The following ATP2A1 variants were observed in gnomAD, a reference collection of about 807,000 sequenced individuals.
The protein encoded by ATP2A1 is ATPase sarcoplasmic/endoplasmic reticulum Ca2+ transporting 1.
In ATP2A1, 83 loss-of-function variants were observed where a neutral mutation model predicts 109.5. The observed-to-expected ratio is 0.76, with a 90% CI of 0.63 to 0.91. The LOEUF (loss-of-function observed/expected upper bound fraction) is 0.91. Ranked by LOEUF, ATP2A1 falls within the 40% of genes least tolerant of loss-of-function variation. The pLI, the probability that ATP2A1 is intolerant of heterozygous loss-of-function variation, is 0.00. For missense variants in ATP2A1, 1,101 were observed against 1,341.0 expected (o/e 0.82, Z 2.80); for synonymous variants, 505 against 537.6 (o/e 0.94, Z 0.84).
At chr16:28,901,010 G>T in intron 15 of ATP2A1, 94 bp downstream of exon 15, 7 of 1,502,070 alleles carry the variant, frequency 4.7e-6, no homozygotes, top group Non-Finnish European at 6.4e-6. Flanking sequence ...GAGGGCCCTG[G>T]TAAGATGCAA....
intron 12 of ATP2A1, among the ~76,000 whole-genome samples, chr16:28,897,385 C>T (rs903992209): frequency 1.3e-5 from 2 of 152,018 alleles, no homozygotes; most frequent in Non-Finnish European, 2.9e-5. Flanking sequence ...GTCCCAGCTA[C>T]TCAGCTGGCT....
chr16:28,902,596 C>T lies in ATP2A1; in HGVS notation c.2541C>T (p.Ala847=), dbSNP rs1195218246. The T allele has an allele frequency of 1.2e-6, 2 of 1,614,116 alleles. No individual in the cohort carries two copies. The highest frequency in any genetic ancestry group is 2.2e-5 in the South Asian group (2 of 91,080). The stretch of plus-strand genomic sequence containing the variant: ...CCACCACAGGCTATGTGGGTGCAGC[C>T]ACCGTGGGAGCAGCTGCCTGGTGGT... ...YMAIGGYVGA[A]TVGAAAWWFL... The change falls in exon 18 of 23, where the codon GCC becomes GCT. Residue 847 remains alanine (A), a synonymous_variant. Transcript: ENST00000395503. The surrounding 1 kb of genome is among the most constrained non-coding windows in gnomAD (Gnocchi z 4.8).
rs185595481 is a variant in ATP2A1, at chr16:28,902,105, C to T, written c.2321+22C>T. ...TCTGGTGAGCAGCTGGGTGGGCGTCCAGGAGGAAGCCGGGGTTAGGGTGGG... is the reference window on the plus strand; with the variant it reads ...TCTGGTGAGCAGCTGGGTGGGCGTCTAGGAGGAAGCCGGGGTTAGGGTGGG... On this transcript the variant is annotated intron_variant, in intron 16 of 22. Coordinates refer to ENST00000395503, the MANE Select transcript of ATP2A1 (RefSeq NM_004320.6). This position sits in a 1 kb window ranked among gnomAD's most constrained non-coding sequence, Gnocchi z 4.8. The T allele has an allele frequency of 4.7e-5, 76 of 1,614,108 alleles. No homozygotes were observed. The highest frequency in any genetic ancestry group is 2.3e-4 in the South Asian group (21 of 91,076).
At chr16:28,887,861 C>G (rs1458281066) in intron 8 of ATP2A1, 139 bp downstream of exon 8, 1 of 1,149,878 alleles carries the variant, frequency 8.7e-7, no homozygotes, top group Non-Finnish European at 1.2e-6. Context: ...AGTGCAGTGG[C>G]GTGATCTCGG....
chr16:28,882,303 A>G, intron 4 of ATP2A1, 148 bp from the exon 5 acceptor site: 1 of 1,208,422 alleles, frequency 8.3e-7, no homozygotes, highest in Middle Eastern at 2.7e-4. Context: ...AAACCCTCTC[A>G]CCTGTTTTCA....
rs1041659326 is a variant in ATP2A1, at chr16:28,880,097, C to G, written c.219+514C>G. On this transcript the variant is annotated intron_variant, in intron 3 of 22. Transcript: ENST00000395503. The surrounding 1 kb of genome is among the most constrained non-coding windows in gnomAD (Gnocchi z 4.2). ...GACTCCAAGGAGCCCGGCGCCCGGTCAGGGAGGGCACTGGCATCCCTCATT... is the reference window on the plus strand; with the variant it reads ...GACTCCAAGGAGCCCGGCGCCCGGTGAGGGAGGGCACTGGCATCCCTCATT... 1 of 997,106 alleles carries G rather than the reference C, an allele frequency of 1.0e-6. No individual in the cohort carries two copies. Among genetic ancestry groups the G allele is most frequent in the African/African-American group, 1.7e-5 (1 of 57,302 alleles). The allele number at this position is 997,106 out of a possible 1,614,324, so 61.8% of individuals were successfully genotyped here.
At chr16:28,888,646 C>A in intron 8 of ATP2A1, 141 bp from the exon 9 acceptor site, 2 of 940,232 alleles carry the variant, frequency 2.1e-6, no homozygotes, top group South Asian at 1.7e-5. Context: ...CTCAAGTGAT[C>A]CTCCCGCCTC....
chr16:28,903,492 C>T lies in ATP2A1; in HGVS notation c.2980+52C>T. 6.6e-7 allele frequency: 1 copy of T among 1,518,324 alleles called. No homozygotes were observed. The highest frequency in any genetic ancestry group is 1.1e-5 in the South Asian group (1 of 89,182). 94.1% of individuals were successfully genotyped at this position (1,518,324 alleles called of 1,614,324 possible). ...CCCTGGCCCCACCACAGCCCCTTCCCCATGACGCCGCCCCCGCCCCGCCCC... is the reference window on the plus strand; with the variant it reads ...CCCTGGCCCCACCACAGCCCCTTCCTCATGACGCCGCCCCCGCCCCGCCCC... On this transcript the variant is annotated intron_variant, in intron 21 of 22. Transcript: ENST00000395503. This position sits in a 1 kb window ranked among gnomAD's most constrained non-coding sequence, Gnocchi z 5.6.
At chr16:28,887,122 T>A (rs1963635392) in intron 6 of ATP2A1, 67 bp from the exon 7 acceptor site, 1 of 1,518,316 alleles carries the variant, frequency 6.6e-7, no homozygotes, top group Non-Finnish European at 9.1e-7. Flanking sequence ...AGGGAGAGAG[T>A]TAGGCACGGG....
intron 14 of ATP2A1, 106 bp from the exon 15 acceptor site, chr16:28,900,475 C>T: frequency 6.2e-6 from 6 of 969,294 alleles, no homozygotes; most frequent in Non-Finnish European, 7.2e-6. Context: ...CCACCCCTCC[C>T]CACCACTTCC....
rs562457461 is a variant in ATP2A1 at position 28,899,684 on chromosome 16, C to T, written c.1765-897C>T. Among the ~76,000 whole-genome samples the T allele has an allele frequency of 1.4e-4, 17 of 117,560 alleles. No individual in the cohort carries two copies. The South Asian group carries it at 1.5e-3, about 11-fold the overall frequency. The allele number at this position is 117,560 out of a possible 152,430, so 77.1% of individuals were successfully genotyped here. A position where few individuals can be genotyped will look rare whatever the true frequency, so the allele number is the denominator to read the frequency against. On this transcript the variant is annotated intron_variant, in intron 14 of 22. Transcript: ENST00000395503. ...CCGAAAAAGACACAATTTGGGGCCA[C>T]GTGTCAGGGCTCACACCTATAATGC...
At chr16:28,885,221 C>A (rs972731815) in intron 6 of ATP2A1, among the ~76,000 whole-genome samples, 1 of 146,734 alleles carries the variant, frequency 6.8e-6, no homozygotes, top group Non-Finnish European at 1.5e-5. Context: ...TGCACTCCAG[C>A]ATGGGCAACA....
Position 28,904,430 on chromosome 16 carries a change from C to T in ATP2A1, c.*288C>T. The T allele has an allele frequency of 6.5e-7, 1 of 1,531,676 alleles. No homozygotes were observed. Among genetic ancestry groups the T allele is most frequent in the South Asian group, 1.2e-5 (1 of 83,194 alleles). The allele number at this position is 1,531,676 out of a possible 1,614,324, so 94.9% of individuals were successfully genotyped here. Reference sequence around the variant, plus strand: ...GGACAAGGCGACCGACTGCGCTGAGCTGCTTATTTATTGAAAATAAACGAC... The same window carrying T: ...GGACAAGGCGACCGACTGCGCTGAGTTGCTTATTTATTGAAAATAAACGAC... On this transcript the variant is annotated 3_prime_UTR_variant, in exon 23 of 23. Coordinates refer to ENST00000395503, the MANE Select transcript of ATP2A1 (RefSeq NM_004320.6).
intron 9 of ATP2A1, 93 bp from the exon 10 acceptor site, chr16:28,894,062 T>C (rs1596677386): frequency 7.8e-6 from 8 of 1,021,024 alleles, no homozygotes; most frequent in Non-Finnish European, 1.1e-5. Context: ...GGTGGGAAGG[T>C]AGGTGTTGGC....
intron 9 of ATP2A1, among the ~76,000 whole-genome samples, chr16:28,890,616 C>A (rs1292346996): frequency 6.6e-6 from 1 of 151,836 alleles, no homozygotes; most frequent in Non-Finnish European, 1.5e-5. Context: ...ACAGTGAGAC[C>A]CCACCTTTTA....
In ATP2A1 at chr16:28,903,404, G is replaced by A. The variant is rs538702357; in HGVS notation, c.2944G>A (p.Glu982Lys). The change falls in exon 21 of 23, where the codon GAA becomes AAA. Residue 982 changes from glutamate to lysine, a missense_variant. By Grantham distance (56) the Glu-to-Lys change is moderately conservative. Coordinates refer to ENST00000395503, the MANE Select transcript of ATP2A1 (RefSeq NM_004320.6). The surrounding 1 kb of genome is among the most constrained non-coding windows in gnomAD (Gnocchi z 5.6). ...CTCACTGCCAGTCATTGGGCTCGAC[G>A]AAATCCTCAAGTTCGTTGCTCGGAA... Reference protein sequence around the residue: ...KISLPVIGLDEILKFVARNYL... With the variant: ...KISLPVIGLDKILKFVARNYL... 8 of 1,613,852 alleles carry A rather than the reference G, an allele frequency of 5.0e-6. No individual in the cohort carries two copies. Among genetic ancestry groups the A allele is most frequent in the South Asian group, 1.1e-5 (1 of 91,084 alleles).
intron 9 of ATP2A1, among the ~76,000 whole-genome samples, chr16:28,892,075 C>G (rs1030520380): frequency 6.6e-6 from 1 of 152,136 alleles, no homozygotes; most frequent in Non-Finnish European, 1.5e-5. Context: ...GGTCTAAGCA[C>G]TATCATAATG....
chr16:28,888,037 C>A (rs530709598), intron 8 of ATP2A1, among the ~76,000 whole-genome samples: 30 of 152,050 alleles, frequency 2.0e-4, no homozygotes, highest in Non-Finnish European at 3.5e-4. Flanking sequence ...TCCTGACCTC[C>A]TGATCTGCCC....
At chr16:28,890,402 G>A (rs1036078746) in intron 9 of ATP2A1, among the ~76,000 whole-genome samples, 5 of 151,658 alleles carry the variant, frequency 3.3e-5, no homozygotes, top group African/African-American at 1.2e-4. Flanking sequence ...GAGATTGCTT[G>A]AGCCAGGAAG....
Sources: gnomAD v4.1 joint callset for allele counts (sites outside exome capture counted in the v4.1 genomes callset) on GRCh38, gnomAD v4.1.1 for gene constraint, Gnocchi (gnomAD v3.1) non-coding constraint, MANE v1.5 for transcripts, NCBI Gene and HGNC (gene_info 2026-07-23, HGNC 2026-07-21) for gene names.